OTUB2: variants seen among roughly 807,000 people sequenced by gnomAD.
The protein encoded by OTUB2 is ubiquitin thioesterase OTUB2.
Under a neutral mutation model 25.1 loss-of-function variants are expected in OTUB2, and 21 were observed. The ratio of observed to expected loss-of-function variants is 0.84; its 90% CI spans 0.59 to 1.21. The LOEUF (loss-of-function observed/expected upper bound fraction) is 1.21, where lower values mean the gene tolerates loss of function less well. Ranked by LOEUF, OTUB2 falls within the 50% of genes most tolerant of loss-of-function variation. The probability of loss-of-function intolerance (pLI) is 0.00; values close to 1 mark genes in which losing one functional copy is unlikely to be tolerated. For synonymous variants in OTUB2, 122 were observed against 122.8 expected, an observed-to-expected ratio of 0.99 and a Z score of 0.04; for missense variants, 283 against 298.0, an observed-to-expected ratio of 0.95 and a Z score of 0.37.
chr14:94,042,235 A>G (rs983184389), intron 3 of OTUB2, among the ~76,000 whole-genome samples: 2 of 152,224 alleles, frequency 1.3e-5, no homozygotes, highest in African/African-American at 4.8e-5. Context: ...ATAGAGGTCA[A>G]ATGACTTGCC....
At position 94,039,262 on chromosome 14, in the gene OTUB2, C is replaced by T. The variant is rs188788443; in HGVS notation, c.218+181C>T. The T allele has an allele frequency of 5.0e-5, 30 of 603,616 alleles. No homozygotes were observed. In the East Asian group the frequency reaches 7.5e-4, roughly 15 times the overall value. The allele number at this position is 603,616 out of a possible 1,614,324, so 37.4% of individuals were successfully genotyped here. A position where few individuals can be genotyped will look rare whatever the true frequency, so the allele number is the denominator to read the frequency against. On this transcript the variant is annotated intron_variant, in intron 3 of 5. Transcript: ENST00000203664. ...CTGCCTGCTGTGGTGAAGTTGGGGG[C>T]AGCCAAGGGGTGGAGGATGGAATCT...
intron 1 of OTUB2, among the ~76,000 whole-genome samples, chr14:94,030,358 G>A (rs1054949401): frequency 6.6e-5 from 10 of 151,884 alleles, no homozygotes; most frequent in East Asian, 1.9e-4. Context: ...GGTGGGGGGC[G>A]AGGTGGGCAG....
chr14:94,028,088 C>T (rs1884896479), intron 1 of OTUB2, among the ~76,000 whole-genome samples: 1 of 152,228 alleles, frequency 6.6e-6, no homozygotes, highest in African/African-American at 2.4e-5. Flanking sequence ...CCCTATCTGC[C>T]CTGACTCAGG....
At chr14:94,033,809 C>CTGAA (rs1885002219) in intron 1 of OTUB2, among the ~76,000 whole-genome samples, 1 of 152,210 alleles carries the variant, frequency 6.6e-6, no homozygotes, top group African/African-American at 2.4e-5. Flanking sequence ...AGCTTTCATT[C>CTGAA]TGAAATGTAT....
At chr14:94,027,623 C>G (rs1277099546) in intron 1 of OTUB2, among the ~76,000 whole-genome samples, 4 of 152,242 alleles carry the variant, frequency 2.6e-5, no homozygotes, top group Admixed American at 2.6e-4. Context: ...TGCACAGATG[C>G]CTGGTTCTTC....
At chr14:94,028,796 A>G (rs1380911757) in intron 1 of OTUB2, among the ~76,000 whole-genome samples, 1 of 152,206 alleles carries the variant, frequency 6.6e-6, no homozygotes, top group Non-Finnish European at 1.5e-5. Context: ...GACATTGGGA[A>G]CACAGTGAGA....
Position 94,039,084 on chromosome 14 carries a change from G to A in OTUB2, c.218+3G>A. ...GGGAAGAGCAGGGAGATCTTCAAGTGAGTGCCGGGGCCCCTTGGCCTGTCA... is the reference window on the plus strand; with the variant it reads ...GGGAAGAGCAGGGAGATCTTCAAGTAAGTGCCGGGGCCCCTTGGCCTGTCA... On this transcript the variant is annotated splice_donor_region_variant and intron_variant, in intron 3 of 5. Coordinates refer to ENST00000203664, the MANE Select transcript of OTUB2 (RefSeq NM_023112.4). The A allele has an allele frequency of 6.2e-7, 1 of 1,612,254 alleles. No individual in the cohort carries two copies. The highest frequency in any genetic ancestry group is 1.3e-5 in the African/African-American group (1 of 74,996).
At chr14:94,042,973 A>C (rs1351965436) in intron 3 of OTUB2, among the ~76,000 whole-genome samples, 1 of 152,190 alleles carries the variant, frequency 6.6e-6, no homozygotes, top group Non-Finnish European at 1.5e-5. Flanking sequence ...CTCACCCTGC[A>C]ATCAGGACAA....
chr14:94,026,878 A>G (rs1884873470), intron 1 of OTUB2, among the ~76,000 whole-genome samples: 2 of 152,162 alleles, frequency 1.3e-5, no homozygotes, highest in South Asian at 2.1e-4. Flanking sequence ...CTGCAGCACT[A>G]CGGGTCGCCT....
At chr14:94,039,111 G>A in intron 3 of OTUB2, 30 bp downstream of exon 3, 1 of 1,549,088 alleles carries the variant, frequency 6.5e-7, no homozygotes, top group Non-Finnish European at 8.9e-7. Flanking sequence ...GGCCTGTCAG[G>A]GCTGTGTTCT....
Position 94,046,511 on chromosome 14 carries a change from T to TC in OTUB2, c.*591dup. ...ACTTAAGGAGAAAAAAAAAAAGACT[T>TC]CCTTTTTTTGCCAAAGTCCAGAAAG... On this transcript the variant is annotated 3_prime_UTR_variant, in exon 6 of 6. Transcript: ENST00000203664. 6.5e-6 allele frequency: 1 copy of TC among 153,372 alleles called. No homozygotes were observed. The highest frequency in any genetic ancestry group is 2.4e-5 in the African/African-American group (1 of 41,494). 9.5% of individuals were successfully genotyped at this position (153,372 alleles called of 1,614,324 possible). A position where few individuals can be genotyped will look rare whatever the true frequency, so the allele number is the denominator to read the frequency against.
intron 3 of OTUB2, 129 bp downstream of exon 3, chr14:94,039,210 G>A: frequency 1.3e-6 from 1 of 746,986 alleles, no homozygotes; most frequent in Non-Finnish European, 2.2e-6. Context: ...CTGCCTGGCA[G>A]AGGCGTTTGA....
At chr14:94,045,484 A>G (rs554373089) in intron 5 of OTUB2, among the ~76,000 whole-genome samples, 88 of 152,328 alleles carry the variant, frequency 5.8e-4, no homozygotes, top group Non-Finnish European at 4.1e-4. Context: ...TCTAGAATGG[A>G]AAAGATTCAG....
intron 1 of OTUB2, among the ~76,000 whole-genome samples, chr14:94,027,822 G>A (rs1431823451): frequency 6.6e-6 from 1 of 152,218 alleles, no homozygotes; most frequent in South Asian, 2.1e-4. Context: ...ATAGCTGGGG[G>A]CCTCTGGAGC....
rs1291786127 is a variant in OTUB2 at position 94,048,049 on chromosome 14, C to T, written c.*2127C>T. ...CACTGGCCAAATCCGAACCATTGCC[C>T]TTGTTTCCCCCACGTTCTCTCTCAG... On this transcript the variant is annotated 3_prime_UTR_variant, in exon 6 of 6. Transcript: ENST00000203664. 1 of 152,242 alleles carries T rather than the reference C, an allele frequency of 6.6e-6. No individual in the cohort carries two copies. 9.4% of individuals were successfully genotyped at this position (152,242 alleles called of 1,614,324 possible).
chr14:94,039,095 C>A lies in OTUB2; in HGVS notation c.218+14C>A. ...GGAGATCTTCAAGTGAGTGCCGGGG[C>A]CCCTTGGCCTGTCAGGGCTGTGTTC... On this transcript the variant is annotated intron_variant, in intron 3 of 5. Transcript: ENST00000203664. The A allele has an allele frequency of 6.2e-7, 1 of 1,601,148 alleles. No individual in the cohort carries two copies. The highest frequency in any genetic ancestry group is 8.6e-7 in the Non-Finnish European group (1 of 1,168,852).
chr14:94,034,319 CT>C (rs532183196), intron 1 of OTUB2, among the ~76,000 whole-genome samples: 307 of 152,288 alleles, frequency 2.0e-3, no homozygotes, highest in Non-Finnish European at 3.5e-3. Context: ...GAGAACTTTC[CT>C]GGGTGAGGCC....
chr14:94,035,781 G>C (rs1885045195), intron 1 of OTUB2, among the ~76,000 whole-genome samples: 1 of 152,154 alleles, frequency 6.6e-6, no homozygotes, highest in Non-Finnish European at 1.5e-5. Context: ...AGGCTTCATG[G>C]AGGAGGTAGC....
In OTUB2 at chr14:94,026,447, C is replaced by A. The variant is rs1473163535; in HGVS notation, c.-91C>A. 1.5e-6 allele frequency: 2 copies of A among 1,314,690 alleles called. No homozygotes were observed. The highest frequency in any genetic ancestry group is 3.1e-5 in the African/African-American group (2 of 65,126). 81.4% of individuals were successfully genotyped at this position (1,314,690 alleles called of 1,614,324 possible). ...GCCCTCGAGGTCCCCGCCACCGAAC[C>A]AGCGGCGGAGCCCGCCCGCGCCTCC... On this transcript the variant is annotated 5_prime_UTR_variant, in exon 1 of 6. Transcript: ENST00000203664.
Sources: gnomAD v4.1 joint callset for allele counts (sites outside exome capture counted in the v4.1 genomes callset) on GRCh38, gnomAD v4.1.1 for gene constraint, MANE v1.5 for transcripts, NCBI Gene and HGNC (gene_info 2026-07-23, HGNC 2026-07-21) for gene names.